The following ALOX15 variants were observed in gnomAD, a reference collection of about 807,000 sequenced individuals.
ALOX15 encodes the protein arachidonate 15-lipoxygenase.
ALOX15 carries 68 observed loss-of-function variants against 71.7 expected under a neutral mutation model. That is an observed-to-expected ratio of 0.95 (90% confidence interval 0.78 to 1.16). The LOEUF (loss-of-function observed/expected upper bound fraction) is 1.16, where lower values mean the gene tolerates loss of function less well. Ranked by LOEUF, ALOX15 falls within the 50% of genes most tolerant of loss-of-function variation. The pLI, the probability that ALOX15 is intolerant of heterozygous loss-of-function variation, is 0.00. For missense variants in ALOX15, 798 were observed against 818.8 expected, an observed-to-expected ratio of 0.97 and a Z score of 0.31; for synonymous variants, 346 against 333.3, an observed-to-expected ratio of 1.04 and a Z score of -0.42.
At chr17:4,639,025 C>G (rs201365386) in intron 3 of ALOX15, 26 bp downstream of exon 3, 1 of 1,614,166 alleles carries the variant, frequency 6.2e-7, no homozygotes. Flanking sequence ...CAGCAGCTCA[C>G]GTGGGGTCAG....
chr17:4,635,239 T>C lies in ALOX15; in HGVS notation c.1161+520A>G, dbSNP rs1339864044. Among the ~76,000 whole-genome samples, 65 of 151,802 alleles carry C rather than the reference T, an allele frequency of 4.3e-4. 1 individual carries two copies. Among genetic ancestry groups the C allele is most frequent in the Admixed American group, 4.3e-3 (65 of 15,226 alleles). The stretch of plus-strand genomic sequence containing the variant: ...TGAGGTCAGGCATTCGAGACCAGCC[T>C]GGCCAACATGGTGAAATCCTGTCTC... On this transcript the variant is annotated intron_variant, in intron 8 of 13. Coordinates refer to ENST00000293761, the MANE Select transcript of ALOX15 (RefSeq NM_001140.5).
At chr17:4,639,406 T>C in intron 2 of ALOX15, 24 bp downstream of exon 2, 1 of 1,612,728 alleles carries the variant, frequency 6.2e-7, no homozygotes, top group Non-Finnish European at 8.5e-7. Context: ...AGAGGCCTCC[T>C]GACACCCTCA....
In ALOX15 at chr17:4,631,951, A is replaced by T. The variant is rs1381883057; in HGVS notation, c.1747T>A (p.Phe583Ile). 6.2e-7 allele frequency: 1 copy of T among 1,614,114 alleles called. No homozygotes were observed. The highest frequency in any genetic ancestry group is 8.5e-7 in the Non-Finnish European group (1 of 1,180,026). The change falls in exon 13 of 14, where the codon TTC (phenylalanine) becomes ATC (isoleucine). Residue 583 changes from phenylalanine to isoleucine, a missense_variant. By Grantham distance (21) the Phe-to-Ile change is conservative (BLOSUM62 0). Coordinates refer to ENST00000293761, the MANE Select transcript of ALOX15 (RefSeq NM_001140.5). Reference protein sequence around the residue: ...LETVMATLPNFHQASLQMSIT... With the variant: ...LETVMATLPNIHQASLQMSIT... ...GACATCTGGAGAGAAGCCTGGTGGAAGTTGGGCAGTGTCGCCATCACTGTC... is the reference window on the plus strand; with the variant it reads ...GACATCTGGAGAGAAGCCTGGTGGATGTTGGGCAGTGTCGCCATCACTGTC...
intron 7 of ALOX15, 24 bp downstream of exon 7, chr17:4,637,091 A>G (rs779458795): frequency 1.3e-6 from 2 of 1,592,208 alleles, no homozygotes; most frequent in South Asian, 1.1e-5. Context: ...AGAGACTGGG[A>G]GCAGAAATCC....
At chr17:4,635,191 G>C (rs1183573399) in intron 8 of ALOX15, among the ~76,000 whole-genome samples, 1 of 151,828 alleles carries the variant, frequency 6.6e-6, no homozygotes, top group African/African-American at 2.4e-5. Flanking sequence ...AGCACTTTGG[G>C]AGACCTAGAC....
chr17:4,640,765 C>T (rs1448496972), intron 1 of ALOX15, among the ~76,000 whole-genome samples: 1 of 151,298 alleles, frequency 6.6e-6, no homozygotes, highest in Non-Finnish European at 1.5e-5. Flanking sequence ...GGCAGGGACG[C>T]GGGAGATGCT....
intron 2 of ALOX15, 107 bp downstream of exon 2, chr17:4,639,323 G>T: frequency 1.4e-6 from 2 of 1,456,512 alleles, no homozygotes; most frequent in Non-Finnish European, 9.4e-7. Flanking sequence ...AGACCCCGGC[G>T]CTCCAGGTTC....
intron 7 of ALOX15, 27 bp downstream of exon 7, chr17:4,637,088 G>A (rs757767038): frequency 6.3e-7 from 1 of 1,590,746 alleles, no homozygotes; most frequent in Non-Finnish European, 8.6e-7. Flanking sequence ...GCCAGAGACT[G>A]GGAGCAGAAA....
chr17:4,640,691 G>C (rs1337172894), intron 1 of ALOX15, among the ~76,000 whole-genome samples: 2 of 150,058 alleles, frequency 1.3e-5, no homozygotes, highest in Non-Finnish European at 2.9e-5. Flanking sequence ...AGGGCGTGGA[G>C]TGCGGGGAGC....
At chr17:4,636,973 G>A in intron 7 of ALOX15, 142 bp downstream of exon 7, 3 of 1,028,930 alleles carry the variant, frequency 2.9e-6, no homozygotes, top group Non-Finnish European at 4.3e-6. Context: ...CCTTCGAATA[G>A]AGACTTGGCG....
chr17:4,632,942 CGTCT>C lies in ALOX15; in HGVS notation c.1455_1458del (p.Asp486TrpfsTer3). 6.2e-7 allele frequency: 1 copy of C among 1,614,140 alleles called. No individual in the cohort carries two copies. On this transcript the variant is annotated frameshift_variant, in exon 11 of 14. Transcript: ENST00000293761. LOFTEE classifies it high-confidence loss of function. ...AGCTCTGGGTCGTCTTTCACAGCCA[CGTCT>C]GTCTTATAGTGGAGACTCACGATTC...
At position 4,638,599 on chromosome 17, in the gene ALOX15, C is replaced by G; in HGVS notation, c.628G>C (p.Gly210Arg). The G allele has an allele frequency of 4.3e-6, 7 of 1,614,120 alleles. No individual in the cohort carries two copies. The highest frequency in any genetic ancestry group is 5.9e-6 in the Non-Finnish European group (7 of 1,180,034). Residue 210 changes from glycine to arginine, a missense_variant, in exon 5 of 14, where the codon GGT becomes CGT. Physicochemically the swap from Gly to Arg is moderately radical, Grantham distance 125 (BLOSUM62 -2). Transcript: ENST00000293761. ...LDDFNRIFWC[G>R]QSKLAERVRD... is the part of the protein sequence containing the mutation. ...GACTGACCAGCCAGCTTGCTCTGAC[C>G]ACACCAGAAAATCCGGTTGAAGTCA... is the stretch of plus-strand genomic sequence containing the variant.
rs750759070 is a variant in ALOX15 at position 4,633,239 on chromosome 17, CAGA to C, written c.1322_1324del (p.Phe441del). On this transcript the variant is annotated inframe_deletion, in exon 10 of 14. Coordinates refer to ENST00000293761, the MANE Select transcript of ALOX15 (RefSeq NM_001140.5). ...CCGGTCGGCCAAGTCATCAGGGGGACAGAAGGAGCTGTAGGTTAGGAAGGCTCC... is the reference window on the plus strand; with the variant it reads ...CCGGTCGGCCAAGTCATCAGGGGGACAGGAGCTGTAGGTTAGGAAGGCTCC... The C allele has an allele frequency of 1.2e-5, 19 of 1,614,060 alleles. No individual in the cohort carries two copies. The African/African-American group carries it at 2.1e-4, about 18-fold the overall frequency.
rs376212812 is a variant in ALOX15 at position 4,633,457 on chromosome 17, C to T, written c.1205G>A (p.Arg402Gln). The T allele has an allele frequency of 8.3e-5, 134 of 1,613,984 alleles. 1 individual carries two copies. The highest frequency in any genetic ancestry group is 1.1e-4 in the Non-Finnish European group (126 of 1,180,026). Residue 402 changes from arginine (R) to glutamine (Q), a missense_variant, in exon 9 of 14, where the codon CGG becomes CAG. This residue lies in a region of ALOX15 where 490 missense variants were observed against 509.4 expected (regional missense o/e 0.96). Transcript: ENST00000293761. ...HLRYTLEINV[R>Q]ARTGLVSDMG... ...GTCAGAGACCAGCCCAGTCCTGGCC[C>T]GGACGTTAATTTCCAGGGTGTATCG...
chr17:4,632,177 G>A lies in ALOX15; in HGVS notation c.1641+4C>T, dbSNP rs1910931238. ...ATTCCCAGCTGCCCATCTCTGGTAAGTACCTGGCCCAGGTGCACAGAGGCG... is the reference window on the plus strand; with the variant it reads ...ATTCCCAGCTGCCCATCTCTGGTAAATACCTGGCCCAGGTGCACAGAGGCG... On this transcript the variant is annotated splice_donor_region_variant and intron_variant, in intron 12 of 13. Coordinates refer to ENST00000293761, the MANE Select transcript of ALOX15 (RefSeq NM_001140.5). The A allele has an allele frequency of 1.9e-6, 3 of 1,614,188 alleles. No homozygotes were observed. Among genetic ancestry groups the A allele is most frequent in the Non-Finnish European group, 2.5e-6 (3 of 1,180,016 alleles).
Position 4,633,215 on chromosome 17 carries a change from C to CT in ALOX15, c.1348_1349insA (p.Arg450GlnfsTer35). 1 of 1,614,164 alleles carries CT rather than the reference C, an allele frequency of 6.2e-7. No homozygotes were observed. The highest frequency in any genetic ancestry group is 8.5e-7 in the Non-Finnish European group (1 of 1,180,030). ...GGAAGACTTCACTCCCAGGAGCCCC[C>CT]GGTCGGCCAAGTCATCAGGGGGACA... On this transcript the variant is annotated frameshift_variant, in exon 10 of 14. Transcript: ENST00000293761. LOFTEE classifies it high-confidence loss of function.
rs1343375211 is a variant in ALOX15 at position 4,635,850 on chromosome 17, A to C, written c.1070T>G (p.Leu357Arg). 6.2e-7 allele frequency: 1 copy of C among 1,614,264 alleles called. No individual in the cohort carries two copies. The highest frequency in any genetic ancestry group is 2.2e-5 in the East Asian group (1 of 44,886). ...GTGTCCCCTCAGAAGATGAGACTGCAGCTCATGGAGCTGGAAGTCAGAGCT... is the reference window on the plus strand; with the variant it reads ...GTGTCCCCTCAGAAGATGAGACTGCCGCTCATGGAGCTGGAAGTCAGAGCT... Reference protein sequence around the residue: ...VRSSDFQLHELQSHLLRGHLM... With the variant: ...VRSSDFQLHERQSHLLRGHLM... The change falls in exon 8 of 14, where the codon CTG becomes CGG. Residue 357 changes from leucine to arginine, a missense_variant. Leu to Arg is a moderately radical substitution (Grantham distance 102, BLOSUM62 -2). Transcript: ENST00000293761.
intron 11 of ALOX15, among the ~76,000 whole-genome samples, chr17:4,632,533 AAGCTGGTCAGCATCAC>A (rs1910949518): frequency 1.3e-5 from 2 of 152,198 alleles, no homozygotes; most frequent in African/African-American, 4.8e-5. Context: ...GGTGTTTAGC[AAGCTGGTCAGCATCAC>A]CTTGGTAGTC....
At position 4,638,639 on chromosome 17, in the gene ALOX15, G is replaced by A. The variant is rs775834318; in HGVS notation, c.588C>T (p.Cys196=). ...AIKDSLNVLT[C]WKDLDDFNRI... ...GGTTGAAGTCATCTAGATCCTTCCA[G>A]CAAGTCAGAACATTTAGAGAGTCTT... The change falls in exon 5 of 14, where the codon TGC becomes TGT. Residue 196 remains cysteine, a synonymous_variant. Coordinates refer to ENST00000293761, the MANE Select transcript of ALOX15 (RefSeq NM_001140.5). 1.4e-5 allele frequency: 22 copies of A among 1,614,192 alleles called. No individual in the cohort carries two copies. The highest frequency in any genetic ancestry group is 1.7e-5 in the Non-Finnish European group (20 of 1,180,036).
Sources: gnomAD v4.1 joint callset for allele counts (sites outside exome capture counted in the v4.1 genomes callset) on GRCh38, gnomAD v4.1.1 for gene constraint, gnomAD v4.1.1 regional missense constraint, MANE v1.5 for transcripts, NCBI Gene and HGNC (gene_info 2026-07-23, HGNC 2026-07-21) for gene names.